The following MLLT10 variants were observed in gnomAD, a reference collection of about 807,000 sequenced individuals.
MLLT10 encodes the protein protein AF-10.
In MLLT10, 30 loss-of-function variants were observed where a neutral mutation model predicts 129.1. The ratio of observed to expected loss-of-function variants is 0.23; its 90% CI spans 0.17 to 0.32. MLLT10 has a LOEUF of 0.32. MLLT10 is among the 10% of genes least tolerant of loss of function. The pLI, the probability that MLLT10 is intolerant of heterozygous loss-of-function variation, is 1.00. For missense variants in MLLT10, 1,119 were observed against 1,268.3 expected (o/e 0.88, Z 1.79); for synonymous variants, 490 against 446.4 (o/e 1.10, Z -1.23).
chr10:21,684,990 G>GT (rs201037447), intron 13 of MLLT10, among the ~76,000 whole-genome samples: 8 of 150,932 alleles, frequency 5.3e-5, no homozygotes, highest in South Asian at 2.1e-4. Flanking sequence ...TTCCTGCAAA[G>GT]TTTTTTTTTC....
At chr10:21,559,248 T>C (rs1346817994) in intron 3 of MLLT10, among the ~76,000 whole-genome samples, 1 of 152,162 alleles carries the variant, frequency 6.6e-6, no homozygotes, top group Non-Finnish European at 1.5e-5. Flanking sequence ...CACGCCTGAC[T>C]AATTTTTGTA....
At chr10:21,626,105 C>G (rs2046406405) in intron 8 of MLLT10, 3 of 1,608,910 alleles carry the variant, frequency 1.9e-6, no homozygotes, top group Non-Finnish European at 1.7e-6. Flanking sequence ...TTGCACCTAG[C>G]TCCCCTGTTT....
intron 3 of MLLT10, among the ~76,000 whole-genome samples, chr10:21,540,481 G>C (rs1484810456): frequency 6.6e-6 from 1 of 151,994 alleles, no homozygotes; most frequent in Admixed American, 6.6e-5. Context: ...GCTTGAACCT[G>C]GGAGGTTGAG....
intron 9 of MLLT10, among the ~76,000 whole-genome samples, chr10:21,669,432 G>T (rs1473627230): frequency 6.6e-6 from 1 of 152,054 alleles, no homozygotes; most frequent in Non-Finnish European, 1.5e-5. Flanking sequence ...AGTGGTGGCT[G>T]TATGTGGGAA....
At chr10:21,689,604 T>C (rs2053645047) in intron 13 of MLLT10, among the ~76,000 whole-genome samples, 1 of 83,644 alleles carries the variant, frequency 1.2e-5, no homozygotes, top group Non-Finnish European at 3.0e-5. Context: ...GTGTGTTTTA[T>C]ATATATATAT....
chr10:21,618,655 A>G (rs1392708738), intron 8 of MLLT10, among the ~76,000 whole-genome samples: 2 of 152,042 alleles, frequency 1.3e-5, no homozygotes, highest in Non-Finnish European at 1.5e-5. Flanking sequence ...TTATTTAGAG[A>G]CAGAGTCCCA....
intron 14 of MLLT10, among the ~76,000 whole-genome samples, chr10:21,721,130 G>A (rs955321094): frequency 1.3e-5 from 2 of 152,118 alleles, no homozygotes; most frequent in African/African-American, 4.8e-5. Context: ...GGGCTGAAAA[G>A]CTTGAAGCAG....
At chr10:21,566,785 A>G (rs1417445806) in intron 3 of MLLT10, among the ~76,000 whole-genome samples, 1 of 150,334 alleles carries the variant, frequency 6.7e-6, no homozygotes. Flanking sequence ...GTTCATTGAT[A>G]TGGTTTGGAT....
Position 21,732,953 on chromosome 10 carries a change from A to G in MLLT10, c.2273A>G (p.Glu758Gly). Residue 758 changes from glutamate (E) to glycine (G), a missense_variant, in exon 18 of 23, where the codon GAG becomes GGG. By Grantham distance (98) the Glu-to-Gly change is moderately conservative. This residue lies in a region of MLLT10 where 1,004 missense variants were observed against 1,008.7 expected (regional missense o/e 1.00). Coordinates refer to ENST00000307729, the MANE Select transcript of MLLT10 (RefSeq NM_001195626.3). ...HQLQVENRRLEEQIKNLTAKK... is the reference protein window; with the variant it reads ...HQLQVENRRLGEQIKNLTAKK... ...CTTCAAGTTGAAAACCGAAGATTAG[A>G]GGAACAAATTAAAAACTTGACTGCC... 6.2e-7 allele frequency: 1 copy of G among 1,614,090 alleles called. No individual in the cohort carries two copies.
intron 3 of MLLT10, among the ~76,000 whole-genome samples, chr10:21,580,532 G>A (rs902283910): frequency 6.6e-6 from 1 of 151,850 alleles, no homozygotes; most frequent in Non-Finnish European, 1.5e-5. Context: ...GGGACTACAG[G>A]CGCCCGCCAC....
At chr10:21,647,061 T>C (rs778800189) in intron 8 of MLLT10, among the ~76,000 whole-genome samples, 14 of 152,170 alleles carry the variant, frequency 9.2e-5, no homozygotes, top group African/African-American at 2.4e-5. Flanking sequence ...TTTCACCGTC[T>C]TAGCCAGGAT....
chr10:21,643,261 G>A (rs930093686), intron 8 of MLLT10, among the ~76,000 whole-genome samples: 1 of 152,164 alleles, frequency 6.6e-6, no homozygotes, highest in African/African-American at 2.4e-5. Context: ...TCGAACTCCT[G>A]ACCTCAAGTA....
At chr10:21,677,557 T>G (rs2052310069) in intron 11 of MLLT10, among the ~76,000 whole-genome samples, 1 of 152,184 alleles carries the variant, frequency 6.6e-6, no homozygotes, top group Non-Finnish European at 1.5e-5. Context: ...CCTAGTATCA[T>G]GTAAATGCTA....
chr10:21,621,608 C>G (rs1043780219), intron 8 of MLLT10, among the ~76,000 whole-genome samples: 9 of 151,330 alleles, frequency 5.9e-5, no homozygotes, highest in Non-Finnish European at 1.3e-4. Flanking sequence ...CGACCTCCGC[C>G]CCCCCCACCC....
intron 13 of MLLT10, among the ~76,000 whole-genome samples, chr10:21,699,111 G>A (rs538206822): frequency 6.6e-5 from 10 of 152,256 alleles, no homozygotes; most frequent in Admixed American, 2.0e-4. Flanking sequence ...CTGACCTCAG[G>A]TGATCCACCC....
intron 4 of MLLT10, among the ~76,000 whole-genome samples, chr10:21,590,303 G>A (rs2042375447): frequency 1.3e-5 from 2 of 151,436 alleles, no homozygotes; most frequent in Admixed American, 6.6e-5. Context: ...TAACTACTTT[G>A]TATAAGTTGC....
intron 14 of MLLT10, among the ~76,000 whole-genome samples, chr10:21,717,819 T>TCTCCTCCTTCTTCTCCTCCTTCTC (rs1431273940): frequency 9.7e-4 from 104 of 107,238 alleles, no homozygotes; most frequent in Middle Eastern, 6.8e-3. Context: ...TTCTCCTTCT[T>TCTCCTCCTTCTTCTCCTCCTTCTC]CTCCTCCTTC....
intron 8 of MLLT10, among the ~76,000 whole-genome samples, 160 bp downstream of exon 8, chr10:21,617,367 T>C (rs932703254): frequency 6.6e-6 from 1 of 152,162 alleles, no homozygotes; most frequent in African/African-American, 2.4e-5. Flanking sequence ...ATAGGTTTAA[T>C]GCCATATTTG....
chr10:21,659,712 T>C, intron 9 of MLLT10, among the ~76,000 whole-genome samples: 1 of 152,052 alleles, frequency 6.6e-6, no homozygotes, highest in East Asian at 1.9e-4. Flanking sequence ...GGTTTAACCA[T>C]GTTGGCCAGG....
Sources: allele counts gnomAD v4.1 joint callset (sites outside exome capture counted in the v4.1 genomes callset), GRCh38; gene constraint gnomAD v4.1.1; regional missense constraint gnomAD v4.1.1; transcripts MANE v1.5; gene names NCBI Gene and HGNC (gene_info 2026-07-23, HGNC 2026-07-21).